Variants in GRID2 observed in about 807,000 individuals in gnomAD.
GRID2 encodes glutamate receptor ionotropic, delta-2.
GRID2 carries 33 observed loss-of-function variants against 114.8 expected under a neutral mutation model. The ratio of observed to expected loss-of-function variants is 0.29; its 90% CI spans 0.22 to 0.38. The LOEUF is 0.38. Ranked by LOEUF, GRID2 falls within the 10% of genes least tolerant of loss-of-function variation. GRID2 has a pLI of 1.00. For missense variants in GRID2, 1,184 were observed against 1,257.7 expected (o/e 0.94, Z 0.89); for synonymous variants, 505 against 449.9 (o/e 1.12, Z -1.55).
At chr4:93,740,254 G>T (rs978351959) in intron 14 of GRID2, among the ~76,000 whole-genome samples, 1 of 152,130 alleles carries the variant, frequency 6.6e-6, no homozygotes, top group African/African-American at 2.4e-5. Flanking sequence ...CTAGGTTTGT[G>T]TTAAGTTTAC....
chr4:93,070,272 A>T (rs2149304256), intron 2 of GRID2, among the ~76,000 whole-genome samples: 1 of 152,206 alleles, frequency 6.6e-6, no homozygotes, highest in Non-Finnish European at 1.5e-5. Flanking sequence ...GGCCAAGCTA[A>T]CCATTAAATA....
intron 1 of GRID2, among the ~76,000 whole-genome samples, chr4:93,786,200 C>T (rs1200058308): frequency 2.6e-5 from 4 of 152,106 alleles, no homozygotes; most frequent in Non-Finnish European, 5.9e-5. Flanking sequence ...GATCCTCAGG[C>T]CCCGGGTGAG....
At chr4:92,661,014 A>G (rs190034439) in intron 2 of GRID2, among the ~76,000 whole-genome samples, 181 of 150,960 alleles carry the variant, frequency 1.2e-3, no homozygotes, top group African/African-American at 4.0e-3. Context: ...AAATATTTCT[A>G]TTTCCACTAT....
At chr4:93,484,625 A>T (rs141219193) in intron 11 of GRID2, among the ~76,000 whole-genome samples, 1,548 of 151,982 alleles carry the variant, frequency 0.01, 10 homozygotes, top group Admixed American at 0.017. Context: ...CAGAAAATGG[A>T]AGTGAAGTAC....
chr4:92,710,000 A>C (rs1365650120), intron 2 of GRID2, among the ~76,000 whole-genome samples: 1 of 152,118 alleles, frequency 6.6e-6, no homozygotes, highest in East Asian at 1.9e-4. Flanking sequence ...GATTATCTAA[A>C]ATTTGAAAGT....
chr4:92,348,268 T>C (rs1271054332), intron 1 of GRID2, among the ~76,000 whole-genome samples: 1 of 152,198 alleles, frequency 6.6e-6, no homozygotes, highest in Non-Finnish European at 1.5e-5. Context: ...CTGACCAGAC[T>C]TTAATATTTT....
At chr4:93,572,411 T>C (rs1736010995) in intron 13 of GRID2, among the ~76,000 whole-genome samples, 1 of 152,126 alleles carries the variant, frequency 6.6e-6, no homozygotes, top group South Asian at 2.1e-4. Flanking sequence ...TAGAAATTCA[T>C]TTTTCAATCA....
At chr4:92,638,850 CA>C (rs1731206333) in intron 2 of GRID2, among the ~76,000 whole-genome samples, 1 of 150,754 alleles carries the variant, frequency 6.6e-6, no homozygotes, top group South Asian at 2.1e-4. Context: ...TCCAAATTCT[CA>C]ATATTTCATA....
intron 1 of GRID2, among the ~76,000 whole-genome samples, chr4:92,487,629 T>C (rs1722957401): frequency 6.6e-6 from 1 of 152,116 alleles, no homozygotes; most frequent in Non-Finnish European, 1.5e-5. Flanking sequence ...TTCTATATGC[T>C]ATATCCCACT....
At chr4:93,509,310 A>C (rs889527027) in intron 12 of GRID2, among the ~76,000 whole-genome samples, 1 of 152,200 alleles carries the variant, frequency 6.6e-6, no homozygotes, top group African/African-American at 2.4e-5. Context: ...AAATATACAG[A>C]ACTTGATGAG....
At chr4:93,721,428 G>T (rs1448283252) in intron 14 of GRID2, among the ~76,000 whole-genome samples, 1 of 152,150 alleles carries the variant, frequency 6.6e-6, no homozygotes, top group South Asian at 2.1e-4. Flanking sequence ...TTTCAGGAAT[G>T]TCTAGGTTAA....
intron 10 of GRID2, among the ~76,000 whole-genome samples, chr4:93,433,447 CATT>C (rs1769612294): frequency 6.6e-6 from 1 of 152,082 alleles, no homozygotes; most frequent in Non-Finnish European, 1.5e-5. Flanking sequence ...AATAGAGTCT[CATT>C]AATAAATAAC....
At chr4:92,537,794 T>G (rs1022137756) in intron 1 of GRID2, among the ~76,000 whole-genome samples, 6 of 138,980 alleles carry the variant, frequency 4.3e-5, no homozygotes, top group African/African-American at 1.5e-4. Flanking sequence ...GGTGTGTGTG[T>G]GTGTGTGTGT....
intron 2 of GRID2, among the ~76,000 whole-genome samples, chr4:93,044,053 T>C (rs535790789): frequency 6.6e-6 from 1 of 152,094 alleles, no homozygotes; most frequent in Non-Finnish European, 1.5e-5. Context: ...AGAAGACTAC[T>C]GTCTTCTAAA....
chr4:92,713,476 C>CATATATATATATATATATAT (rs10593127), intron 2 of GRID2, among the ~76,000 whole-genome samples: 2 of 54,040 alleles, frequency 3.7e-5, no homozygotes, highest in African/African-American at 7.1e-5. Flanking sequence ...TATACATATA[C>CATATATATATATATATATAT]ATATATATAT....
At chr4:92,942,000 A>G (rs1031067787) in intron 2 of GRID2, among the ~76,000 whole-genome samples, 19 of 152,136 alleles carry the variant, frequency 1.2e-4, no homozygotes, top group African/African-American at 1.4e-4. Flanking sequence ...TATGTGGTCA[A>G]TTTTGGAATA....
intron 8 of GRID2, among the ~76,000 whole-genome samples, chr4:93,249,736 T>C (rs1748630672): frequency 1.3e-5 from 2 of 151,774 alleles, no homozygotes; most frequent in South Asian, 4.2e-4. Context: ...CCAACAAACA[T>C]ATGAAAAAAA....
chr4:93,416,396 T>C (rs1046495895), intron 9 of GRID2, among the ~76,000 whole-genome samples: 3 of 152,100 alleles, frequency 2.0e-5, no homozygotes, highest in African/African-American at 2.4e-5. Context: ...GCCAGGAGTA[T>C]GTTTTAGGGA....
chr4:93,281,116 A>G (rs1752605396), intron 8 of GRID2, among the ~76,000 whole-genome samples: 1 of 151,948 alleles, frequency 6.6e-6, no homozygotes, highest in East Asian at 1.9e-4. Context: ...TAAAGCAGAG[A>G]AGAGGAATAA....
Sources: gnomAD v4.1 joint callset for allele counts (sites outside exome capture counted in the v4.1 genomes callset) on GRCh38, gnomAD v4.1.1 for gene constraint, MANE v1.5 for transcripts, NCBI Gene and HGNC (gene_info 2026-07-23, HGNC 2026-07-21) for gene names.